Variants in C1orf87 observed in about 807,000 individuals in gnomAD.
The protein encoded by C1orf87 is uncharacterized protein C1orf87.
A neutral mutation model predicts 60.5 loss-of-function variants in C1orf87; 58 were observed. The observed-to-expected ratio is 0.96, with a 90% confidence interval of 0.78 to 1.19. The LOEUF is 1.19. Ranked by LOEUF, C1orf87 falls within the 50% of genes most tolerant of loss-of-function variation. C1orf87 has a pLI of 0.00. For missense variants in C1orf87, 673 were observed against 638.6 expected (o/e 1.05, Z -0.58); for synonymous variants, 236 against 227.4 (o/e 1.04, Z -0.34).
intron 2 of C1orf87, among the ~76,000 whole-genome samples, chr1:60,060,599 T>TA (rs538094280): frequency 2.4e-4 from 36 of 152,224 alleles, no homozygotes; most frequent in Non-Finnish European, 5.0e-4. Flanking sequence ...AAAATCTATT[T>TA]AAATAGATAA....
At chr1:60,012,664 C>G (rs1645096070) in intron 8 of C1orf87, among the ~76,000 whole-genome samples, 2 of 152,082 alleles carry the variant, frequency 1.3e-5, no homozygotes, top group African/African-American at 4.8e-5. Context: ...GTTCTGTGAG[C>G]CTGATTCTAG....
chr1:59,991,348 A>G (rs1241536020), intron 11 of C1orf87, among the ~76,000 whole-genome samples: 1 of 152,202 alleles, frequency 6.6e-6, no homozygotes, highest in African/African-American at 2.4e-5. Context: ...AGTGATACCT[A>G]CACCCATGGA....
chr1:60,007,110 C>G (rs373368905), intron 9 of C1orf87, among the ~76,000 whole-genome samples: 5 of 151,982 alleles, frequency 3.3e-5, no homozygotes, highest in African/African-American at 1.2e-4. Context: ...CAGGGTTTCA[C>G]CTTGTTGCCC....
chr1:60,025,630 G>T, intron 7 of C1orf87, 132 bp from the exon 8 acceptor site: 1 of 661,610 alleles, frequency 1.5e-6, no homozygotes. Flanking sequence ...TTAATACCCA[G>T]GAGTACATTC....
In C1orf87 at chr1:60,065,315, G is replaced by A. The variant is rs148031886; in HGVS notation, c.107+7222C>T. Among the ~76,000 whole-genome samples the A allele has an allele frequency of 1.9e-3, 290 of 151,744 alleles. 1 individual carries two copies. The highest frequency in any genetic ancestry group is 6.8e-3 in the Middle Eastern group (2 of 294). Reference sequence around the variant, plus strand: ...AAGAAGATACTATTAGCTTCATGGAGAGTTTAAATCTGGTAGAGCCATACG... The same window carrying A: ...AAGAAGATACTATTAGCTTCATGGAAAGTTTAAATCTGGTAGAGCCATACG... On this transcript the variant is annotated intron_variant, in intron 2 of 11. Coordinates refer to ENST00000371201, the MANE Select transcript of C1orf87 (RefSeq NM_152377.3).
intron 11 of C1orf87, among the ~76,000 whole-genome samples, chr1:59,992,858 T>C (rs1644934543): frequency 6.6e-6 from 1 of 152,250 alleles, no homozygotes; most frequent in Non-Finnish European, 1.5e-5. Flanking sequence ...TTTTCTATTC[T>C]GTTCTGGTTT....
At chr1:60,065,031 TATATATATTTAATA>T (rs1645534840) in intron 2 of C1orf87, among the ~76,000 whole-genome samples, 2 of 92,360 alleles carry the variant, frequency 2.2e-5, no homozygotes, top group African/African-American at 3.7e-5. Flanking sequence ...ATATATTTAA[TATATATATTTAATA>T]ATATATAAAA....
At position 60,012,771 on chromosome 1, in the gene C1orf87, C is replaced by A. The variant is rs1645096751; in HGVS notation, c.1128-2315G>T. 2.6e-5 allele frequency among the ~76,000 whole-genome samples: 4 copies of A among 152,192 alleles called. No homozygotes were observed. The South Asian group carries it at 8.3e-4, about 32-fold the overall frequency. On this transcript the variant is annotated intron_variant, in intron 8 of 11. Coordinates refer to ENST00000371201, the MANE Select transcript of C1orf87 (RefSeq NM_152377.3). ...TCTGAGTACTTTTTGTGCATTATCT[C>A]ATTTAATTGAGACAACCATCTTATG...
intron 8 of C1orf87, among the ~76,000 whole-genome samples, chr1:60,024,583 G>A (rs1183239079): frequency 6.6e-6 from 1 of 152,048 alleles, no homozygotes; most frequent in Non-Finnish European, 1.5e-5. Context: ...CTCCAGAGAC[G>A]GCTCCCTGGG....
intron 7 of C1orf87, among the ~76,000 whole-genome samples, chr1:60,027,364 C>T (rs955644881): frequency 5.3e-5 from 8 of 152,206 alleles, no homozygotes; most frequent in African/African-American, 1.9e-4. Flanking sequence ...CCTGTTTACC[C>T]TGCTCTGCCC....
chr1:60,066,067 A>G (rs1259558896), intron 2 of C1orf87, among the ~76,000 whole-genome samples: 1 of 152,200 alleles, frequency 6.6e-6, no homozygotes, highest in Non-Finnish European at 1.5e-5. Context: ...TATGCTAATA[A>G]TCATCTGTGA....
Position 60,032,432 on chromosome 1 carries a change from G to GTTT in C1orf87, c.1029+1041_1029+1043dup, listed in dbSNP as rs11376932. 7.8e-3 allele frequency among the ~76,000 whole-genome samples: 689 copies of GTTT among 88,524 alleles called. 15 individuals are homozygous for GTTT. The highest frequency in any genetic ancestry group is 0.026 in the East Asian group (78 of 3,030). The allele number at this position is 88,524 out of a possible 152,430, so 58.1% of individuals were successfully genotyped here. ...TTCAATTGGCCTCTTTGAGACTCAG[G>GTTT]TTTTTTTTTTTTTTTTTTTTTTTGA... On this transcript the variant is annotated intron_variant, in intron 7 of 11. Transcript: ENST00000371201.
At chr1:60,044,945 T>C (rs1645355199) in intron 3 of C1orf87, among the ~76,000 whole-genome samples, 1 of 152,184 alleles carries the variant, frequency 6.6e-6, no homozygotes, top group Non-Finnish European at 1.5e-5. Context: ...CACAAAAATC[T>C]AACACAGATT....
At chr1:60,009,628 A>G (rs1645068929) in intron 9 of C1orf87, among the ~76,000 whole-genome samples, 1 of 151,354 alleles carries the variant, frequency 6.6e-6, no homozygotes, top group Non-Finnish European at 1.5e-5. Context: ...AATCCCGGAC[A>G]CACACACACG....
At chr1:60,014,300 TTC>T (rs545439358) in intron 8 of C1orf87, among the ~76,000 whole-genome samples, 178 of 152,246 alleles carry the variant, frequency 1.2e-3, no homozygotes, top group African/African-American at 4.2e-3. Context: ...ATAGAGTATT[TTC>T]TGTTTTCTGC....
At chr1:60,005,820 T>TC (rs1645041037) in intron 9 of C1orf87, among the ~76,000 whole-genome samples, 1 of 150,816 alleles carries the variant, frequency 6.6e-6, no homozygotes, top group African/African-American at 2.5e-5. Flanking sequence ...TTTTTTTTTT[T>TC]TCCTCTGGTG....
At chr1:60,037,899 T>C (rs1645289055) in intron 6 of C1orf87, 93 bp downstream of exon 6, 1 of 711,118 alleles carries the variant, frequency 1.4e-6, no homozygotes, top group Non-Finnish European at 2.3e-6. Context: ...TTATATTCTT[T>C]ATAAGCCACC....
intron 7 of C1orf87, among the ~76,000 whole-genome samples, chr1:60,030,538 C>G (rs139918053): frequency 6.6e-6 from 1 of 152,302 alleles, no homozygotes; most frequent in East Asian, 1.9e-4. Context: ...ATTAAAACAA[C>G]CTATGTTCTA....
chr1:60,025,815 T>C (rs1217596728), intron 7 of C1orf87, among the ~76,000 whole-genome samples: 1 of 152,228 alleles, frequency 6.6e-6, no homozygotes, highest in Non-Finnish European at 1.5e-5. Flanking sequence ...TCAATGCCTA[T>C]GTATTACACA....
Sources: allele counts gnomAD v4.1 joint callset (sites outside exome capture counted in the v4.1 genomes callset), GRCh38; gene constraint gnomAD v4.1.1; transcripts MANE v1.5; gene names NCBI Gene and HGNC (gene_info 2026-07-23, HGNC 2026-07-21).